Variants in SETBP1 observed in about 807,000 individuals in gnomAD.
SETBP1 encodes SET binding protein 1.
In SETBP1, 9 loss-of-function variants were observed where a neutral mutation model predicts 101.0. That is an observed-to-expected ratio of 0.09 (90% confidence interval 0.05 to 0.16). The LOEUF (loss-of-function observed/expected upper bound fraction) is 0.16, where lower values mean the gene tolerates loss of function less well. SETBP1 is among the 10% of genes least tolerant of loss of function. The pLI is 1.00. For missense variants in SETBP1, 1,858 were observed against 2,033.8 expected (o/e 0.91, Z 1.66); for synonymous variants, 818 against 788.5 (o/e 1.04, Z -0.63).
intron 3 of SETBP1, among the ~76,000 whole-genome samples, chr18:44,897,195 G>A (rs1166571364): frequency 2.0e-5 from 3 of 152,182 alleles, no homozygotes; most frequent in Non-Finnish European, 2.9e-5. Context: ...GGGGCCATTT[G>A]AAACCCAAAT....
chr18:44,979,206 G>A (rs1199671914), intron 4 of SETBP1, among the ~76,000 whole-genome samples: 1 of 152,202 alleles, frequency 6.6e-6, no homozygotes, highest in Non-Finnish European at 1.5e-5. Flanking sequence ...CACCGAATCT[G>A]CATTTGCTTC....
chr18:44,795,549 C>T (rs1437082828), intron 2 of SETBP1, among the ~76,000 whole-genome samples: 5 of 152,136 alleles, frequency 3.3e-5, no homozygotes, highest in African/African-American at 1.2e-4. Flanking sequence ...CTGGTTACAT[C>T]CAGGGTGATT....
intron 5 of SETBP1, among the ~76,000 whole-genome samples, chr18:45,049,378 C>T (rs1366867582): frequency 2.6e-5 from 4 of 152,034 alleles, no homozygotes; most frequent in Admixed American, 2.0e-4. Context: ...CTATTCTGAC[C>T]GGCAATGATA....
intron 2 of SETBP1, among the ~76,000 whole-genome samples, chr18:44,845,380 C>T (rs2072704223): frequency 6.6e-6 from 1 of 152,198 alleles, no homozygotes; most frequent in Non-Finnish European, 1.5e-5. Context: ...ACACAGAGAA[C>T]TTTCCAGGAA....
intron 2 of SETBP1, among the ~76,000 whole-genome samples, chr18:44,842,862 A>T (rs1434618314): frequency 1.3e-5 from 2 of 152,218 alleles, no homozygotes; most frequent in African/African-American, 4.8e-5. Context: ...CTGATCCCTC[A>T]TGTGGATTTC....
At chr18:44,865,166 C>A (rs750269696) in intron 2 of SETBP1, among the ~76,000 whole-genome samples, 9 of 152,144 alleles carry the variant, frequency 5.9e-5, no homozygotes, top group Non-Finnish European at 1.3e-4. Flanking sequence ...CTTAACCAAT[C>A]CTATTTTTAA....
chr18:44,803,628 A>G (rs746563478), intron 2 of SETBP1, among the ~76,000 whole-genome samples: 6 of 152,100 alleles, frequency 3.9e-5, no homozygotes, highest in Non-Finnish European at 8.8e-5. Flanking sequence ...CACTTCCTCA[A>G]TAGTGAAAAC....
At chr18:45,033,773 C>A (rs1028582371) in intron 4 of SETBP1, among the ~76,000 whole-genome samples, 7 of 152,176 alleles carry the variant, frequency 4.6e-5, no homozygotes, top group African/African-American at 1.7e-4. Context: ...ATGACTCCAT[C>A]GCCTCTTTTA....
At chr18:44,934,712 G>A (rs1375786023) in intron 3 of SETBP1, among the ~76,000 whole-genome samples, 1 of 152,122 alleles carries the variant, frequency 6.6e-6, no homozygotes, top group African/African-American at 2.4e-5. Context: ...TACAGATAGG[G>A]AAAGTGGGAC....
intron 2 of SETBP1, among the ~76,000 whole-genome samples, chr18:44,791,105 A>G (rs1545723): frequency 0.67 from 102,114 of 151,942 alleles, 34,478 homozygotes; most frequent in South Asian, 0.75. Flanking sequence ...GCTACTTTGC[A>G]TAAGAGGTGC....
chr18:45,037,729 C>T (rs1035900245), intron 4 of SETBP1, among the ~76,000 whole-genome samples: 20 of 152,116 alleles, frequency 1.3e-4, no homozygotes, highest in Middle Eastern at 3.2e-3. Context: ...TCAGGCTTTT[C>T]AGCATCATCA....
At chr18:44,727,419 G>A (rs1023637046) in intron 2 of SETBP1, among the ~76,000 whole-genome samples, 1 of 152,180 alleles carries the variant, frequency 6.6e-6, no homozygotes, top group African/African-American at 2.4e-5. Flanking sequence ...GACGCATTCA[G>A]ATGACATTCT....
chr18:44,807,188 G>T lies in SETBP1; in HGVS notation c.487-62042G>T, dbSNP rs572891554. Among the ~76,000 whole-genome samples the T allele has an allele frequency of 2.0e-5, 3 of 152,152 alleles. No homozygotes were observed. The South Asian group carries it at 6.2e-4, about 32-fold the overall frequency. ...GCTCAGACTGAGGCTCAGAACACAGGGAACAGTATACATTAAAACCACATT... is the reference window on the plus strand; with the variant it reads ...GCTCAGACTGAGGCTCAGAACACAGTGAACAGTATACATTAAAACCACATT... On this transcript the variant is annotated intron_variant, in intron 2 of 5. Coordinates refer to ENST00000649279, the MANE Select transcript of SETBP1 (RefSeq NM_015559.3).
intron 2 of SETBP1, among the ~76,000 whole-genome samples, chr18:44,719,302 C>T (rs552635627): frequency 6.6e-6 from 1 of 152,132 alleles, no homozygotes; most frequent in Non-Finnish European, 1.5e-5. Context: ...CGAGAGCTGA[C>T]CACTTCATGG....
At chr18:45,030,566 G>A (rs1351593366) in intron 4 of SETBP1, among the ~76,000 whole-genome samples, 2 of 149,232 alleles carry the variant, frequency 1.3e-5, no homozygotes, top group African/African-American at 5.0e-5. Flanking sequence ...CTATTGATTG[G>A]AATAGTTTCA....
chr18:44,952,137 C>G lies in SETBP1; in HGVS notation c.2797C>G (p.Leu933Val), dbSNP rs776952045. The stretch of plus-strand genomic sequence containing the variant: ...GGACAACTTTCTGGCCCACGAAAGC[C>G]TCAAGAAGCCAAAGCACAAGAGGAA... ...IVDNFLAHES[L>V]KKPKHKRKRK... Residue 933 changes from leucine to valine, a missense_variant, in exon 4 of 6, where the codon CTC (leucine) becomes GTC (valine). By Grantham distance (32) the Leu-to-Val change is conservative (BLOSUM62 1). Transcript: ENST00000649279. The G allele has an allele frequency of 6.2e-7, 1 of 1,614,124 alleles. No individual in the cohort carries two copies.
intron 2 of SETBP1, among the ~76,000 whole-genome samples, chr18:44,739,279 G>A (rs1231329423): frequency 6.6e-6 from 1 of 152,140 alleles, no homozygotes; most frequent in Admixed American, 6.6e-5. Flanking sequence ...AGGTTCCAGG[G>A]ATTAGGACAC....
chr18:45,056,982 C>A (rs2073819324), intron 5 of SETBP1, among the ~76,000 whole-genome samples: 1 of 152,176 alleles, frequency 6.6e-6, no homozygotes, highest in Admixed American at 6.5e-5. Flanking sequence ...ATGCTTTAAA[C>A]AAGCTAGTCA....
intron 2 of SETBP1, among the ~76,000 whole-genome samples, chr18:44,785,555 T>C (rs1259762708): frequency 6.6e-6 from 1 of 152,216 alleles, no homozygotes; most frequent in Non-Finnish European, 1.5e-5. Flanking sequence ...TGGATACAAA[T>C]GTCTGAGTGC....
Sources: gnomAD v4.1 joint callset for allele counts (sites outside exome capture counted in the v4.1 genomes callset) on GRCh38, gnomAD v4.1.1 for gene constraint, MANE v1.5 for transcripts, NCBI Gene and HGNC (gene_info 2026-07-23, HGNC 2026-07-21) for gene names.